PCCA: variants seen among roughly 807,000 people sequenced by gnomAD.
PCCA encodes propionyl-CoA carboxylase subunit alpha.
In PCCA, 74 loss-of-function variants were observed where a neutral mutation model predicts 101.3. The observed-to-expected ratio is 0.73, with a 90% CI of 0.61 to 0.89. The LOEUF is 0.89. PCCA is among the 40% of genes least tolerant of loss of function. The pLI is 0.00. For synonymous variants in PCCA, 294 were observed against 313.6 expected, an observed-to-expected ratio of 0.94 and a Z score of 0.66; for missense variants, 891 against 907.0, an observed-to-expected ratio of 0.98 and a Z score of 0.23.
At position 100,425,733 on chromosome 13, in the gene PCCA, TGA is replaced by T. The variant is rs1256940928; in HGVS notation, c.1845+4_1845+5del. On this transcript the variant is annotated splice_donor_region_variant and intron_variant, in intron 20 of 23. Transcript: ENST00000376285. ...GATGGCACTCAGAGGACTGTCCAGG[TGA>T]GTGTTGTAAGGATTTCCTTAGAGGG... 2 of 1,606,558 alleles carry T rather than the reference TGA, an allele frequency of 1.2e-6. No individual in the cohort carries two copies. The highest frequency in any genetic ancestry group is 2.2e-5 in the East Asian group (1 of 44,828).
chr13:100,214,778 G>GTATTT (rs750041768), intron 7 of PCCA, among the ~76,000 whole-genome samples: 321 of 151,952 alleles, frequency 2.1e-3, no homozygotes, highest in African/African-American at 6.1e-3. Context: ...TTATTCCTAG[G>GTATTT]TATTTTATTT....
At chr13:100,118,104 A>G (rs2048995629) in intron 4 of PCCA, among the ~76,000 whole-genome samples, 1 of 149,960 alleles carries the variant, frequency 6.7e-6, no homozygotes, top group African/African-American at 2.5e-5. Flanking sequence ...CGACAGAGCA[A>G]GACTCCATCT....
intron 16 of PCCA, among the ~76,000 whole-genome samples, chr13:100,311,437 C>T (rs1294301068): frequency 6.6e-6 from 1 of 151,970 alleles, no homozygotes; most frequent in Non-Finnish European, 1.5e-5. Context: ...TAGTTGTCAT[C>T]CTTTCTTCCT....
chr13:100,159,493 A>T (rs7982075), intron 6 of PCCA, among the ~76,000 whole-genome samples: 4 of 151,998 alleles, frequency 2.6e-5, no homozygotes, highest in Non-Finnish European at 4.4e-5. Flanking sequence ...CATGGGTGCT[A>T]TGAGTCCTGG....
At chr13:100,300,779 T>C (rs1459347092) in intron 12 of PCCA, among the ~76,000 whole-genome samples, 1 of 152,238 alleles carries the variant, frequency 6.6e-6, no homozygotes, top group African/African-American at 2.4e-5. Flanking sequence ...ACATATCTCA[T>C]GTGTTAGTGC....
intron 20 of PCCA, among the ~76,000 whole-genome samples, chr13:100,433,839 A>G (rs1002516113): frequency 1.3e-5 from 2 of 152,232 alleles, no homozygotes; most frequent in South Asian, 2.1e-4. Context: ...ATAACAAAAG[A>G]CAGGTTAACA....
intron 12 of PCCA, 63 bp from the exon 13 acceptor site, chr13:100,301,397 T>A (rs995433260): frequency 1.8e-5 from 29 of 1,586,990 alleles, no homozygotes; most frequent in African/African-American, 1.7e-4. Context: ...GTGATTTTTC[T>A]TGTTTGTTTC....
At chr13:100,269,125 G>C (rs958041086) in intron 11 of PCCA, among the ~76,000 whole-genome samples, 2 of 152,166 alleles carry the variant, frequency 1.3e-5, no homozygotes, top group African/African-American at 4.8e-5. Context: ...TGGGATTATA[G>C]GTGTGGGCCA....
chr13:100,110,544 T>C (rs1381064893), intron 2 of PCCA, among the ~76,000 whole-genome samples: 1 of 152,202 alleles, frequency 6.6e-6, no homozygotes, highest in African/African-American at 2.4e-5. Flanking sequence ...TGGTCTCAGC[T>C]GCTTCAAAAT....
At chr13:100,179,532 A>G (rs2056585031) in intron 6 of PCCA, among the ~76,000 whole-genome samples, 1 of 152,170 alleles carries the variant, frequency 6.6e-6, no homozygotes, top group African/African-American at 2.4e-5. Flanking sequence ...GGTCATGAAT[A>G]CTTGACTTGC....
intron 7 of PCCA, among the ~76,000 whole-genome samples, chr13:100,210,398 A>G (rs1231968288): frequency 6.6e-6 from 1 of 152,238 alleles, no homozygotes. Flanking sequence ...TAAAAAATGT[A>G]CTGTCAGATC....
chr13:100,178,072 G>T (rs2056408168), intron 6 of PCCA, among the ~76,000 whole-genome samples: 1 of 152,038 alleles, frequency 6.6e-6, no homozygotes, highest in Non-Finnish European at 1.5e-5. Flanking sequence ...TTTAATTCAG[G>T]GTTTCTTTTT....
intron 20 of PCCA, among the ~76,000 whole-genome samples, chr13:100,441,589 G>T (rs1047786608): frequency 1.3e-5 from 2 of 152,102 alleles, no homozygotes; most frequent in Non-Finnish European, 2.9e-5. Context: ...AAATAAAAAG[G>T]AATATATTAT....
At chr13:100,189,236 A>G (rs1458163397) in intron 6 of PCCA, among the ~76,000 whole-genome samples, 1 of 152,222 alleles carries the variant, frequency 6.6e-6, no homozygotes, top group South Asian at 2.1e-4. Flanking sequence ...TTATGGTTGC[A>G]TAGTATTCCA....
chr13:100,458,377 CACACACACACGCACATAT>C (rs1409570593), intron 21 of PCCA, among the ~76,000 whole-genome samples: 3 of 147,606 alleles, frequency 2.0e-5, no homozygotes, highest in Non-Finnish European at 4.5e-5. Context: ...CACACACACA[CACACACACACGCACATAT>C]ACACACAGTG....
chr13:100,347,845 A>G (rs1309019027), intron 18 of PCCA, among the ~76,000 whole-genome samples: 1 of 152,196 alleles, frequency 6.6e-6, no homozygotes, highest in Admixed American at 6.5e-5. Context: ...CTGTTGAAAA[A>G]AAGGTACTAT....
chr13:100,259,120 C>T (rs921674263), intron 9 of PCCA, among the ~76,000 whole-genome samples: 21 of 152,206 alleles, frequency 1.4e-4, no homozygotes, highest in Non-Finnish European at 2.6e-4. Flanking sequence ...CTCTCCCTCT[C>T]GAGGAAGTAA....
rs548331777 is a variant in PCCA, at chr13:100,247,768, G to A, written c.638-9827G>A. ...TAACCTTAAGTAATCCGCCCACCTC[G>A]GCCTCCCAAAGTGCTGGGATTATAG... On this transcript the variant is annotated intron_variant, in intron 8 of 23. Coordinates refer to ENST00000376285, the MANE Select transcript of PCCA (RefSeq NM_000282.4). Among the ~76,000 whole-genome samples the A allele has an allele frequency of 8.7e-5, 13 of 149,514 alleles. No individual in the cohort carries two copies. The South Asian group carries it at 2.1e-3, about 24-fold the overall frequency.
chr13:100,244,967 G>GTGCA (rs59360879), intron 8 of PCCA, among the ~76,000 whole-genome samples: 2 of 149,244 alleles, frequency 1.3e-5, no homozygotes, highest in Admixed American at 6.7e-5. Flanking sequence ...GTGTGTGTGC[G>GTGCA]CAGTAGTAGA....
Sources: allele counts gnomAD v4.1 joint callset (sites outside exome capture counted in the v4.1 genomes callset), GRCh38; gene constraint gnomAD v4.1.1; transcripts MANE v1.5; gene names NCBI Gene and HGNC (gene_info 2026-07-23, HGNC 2026-07-21).